Variants in LRPPRC observed in about 807,000 individuals in gnomAD.
LRPPRC encodes the protein leucine-rich PPR motif-containing protein, mitochondrial.
In LRPPRC, 120 loss-of-function variants were observed where a neutral mutation model predicts 180.3. The ratio of observed to expected loss-of-function variants is 0.67; its 90% CI spans 0.57 to 0.77. The LOEUF (loss-of-function observed/expected upper bound fraction) is 0.77. Ranked by LOEUF, LRPPRC falls within the 30% of genes least tolerant of loss-of-function variation. The pLI is 0.00. For missense variants in LRPPRC, 2,012 were observed against 1,657.2 expected (o/e 1.21, Z -3.72); for synonymous variants, 723 against 600.0 (o/e 1.21, Z -3.00).
intron 14 of LRPPRC, among the ~76,000 whole-genome samples, chr2:43,951,054 A>G (rs987771966): frequency 6.6e-6 from 1 of 152,212 alleles, no homozygotes; most frequent in Non-Finnish European, 1.5e-5. Context: ...TGGGAGACAC[A>G]GTGAGTCTCA....
At chr2:43,926,755 T>G (rs960057155) in intron 25 of LRPPRC, among the ~76,000 whole-genome samples, 3 of 152,216 alleles carry the variant, frequency 2.0e-5, no homozygotes, top group Non-Finnish European at 4.4e-5. Flanking sequence ...AAATTATCAA[T>G]GTTACACAAA....
At chr2:43,970,550 C>T (rs980986647) in intron 11 of LRPPRC, among the ~76,000 whole-genome samples, 3 of 152,152 alleles carry the variant, frequency 2.0e-5, no homozygotes, top group Non-Finnish European at 4.4e-5. Flanking sequence ...TTCCAAACCT[C>T]TGTGAACACA....
intron 27 of LRPPRC, among the ~76,000 whole-genome samples, chr2:43,922,842 G>C (rs929592505): frequency 2.0e-5 from 3 of 152,154 alleles, no homozygotes; most frequent in Non-Finnish European, 4.4e-5. Context: ...GGGATAGCTT[G>C]CTTTTTCTTC....
intron 35 of LRPPRC, among the ~76,000 whole-genome samples, chr2:43,895,484 T>G (rs974502445): frequency 2.0e-5 from 3 of 152,236 alleles, no homozygotes; most frequent in African/African-American, 7.2e-5. Flanking sequence ...CAACAGGGAC[T>G]TGGCACAGTC....
In LRPPRC at chr2:43,946,033, A is replaced by G. The variant is rs1236278571; in HGVS notation, c.2210+80T>C. 5.8e-6 allele frequency: 8 copies of G among 1,378,598 alleles called. No individual in the cohort carries two copies. In the Admixed American group the frequency reaches 1.3e-4, roughly 23 times the overall value. 85.4% of individuals were successfully genotyped at this position (1,378,598 alleles called of 1,614,324 possible). On this transcript the variant is annotated intron_variant, in intron 21 of 37. Transcript: ENST00000260665. ...TAAAAATGACATTATATAAGAGAGT[A>G]ATATTCCATCTAGATAATCTATCAA...
intron 22 of LRPPRC, among the ~76,000 whole-genome samples, chr2:43,944,591 TAATA>T (rs1312730163): frequency 2.6e-5 from 4 of 152,126 alleles, no homozygotes; most frequent in African/African-American, 9.7e-5. Flanking sequence ...TTCAATGTTC[TAATA>T]AATGATTTTC....
At chr2:43,889,989 CACTTAACT>C (rs1279173803) in intron 36 of LRPPRC, 113 bp from the exon 37 acceptor site, 2 of 723,608 alleles carry the variant, frequency 2.8e-6, no homozygotes, top group African/African-American at 3.6e-5. Flanking sequence ...GGCAAATGAA[CACTTAACT>C]ACTTTCAGTA....
intron 23 of LRPPRC, among the ~76,000 whole-genome samples, chr2:43,935,592 A>T (rs1672247024): frequency 6.6e-6 from 1 of 152,210 alleles, no homozygotes; most frequent in Admixed American, 6.5e-5. Context: ...TAAAATAAAA[A>T]GACACTGTCA....
intron 11 of LRPPRC, among the ~76,000 whole-genome samples, chr2:43,969,684 T>C (rs1344987726): frequency 2.0e-5 from 3 of 151,974 alleles, no homozygotes; most frequent in Non-Finnish European, 4.4e-5. Flanking sequence ...GGGTGTGTGG[T>C]GTTTTGTTTT....
rs908473003 is a variant in LRPPRC, at chr2:43,995,827, G to A, written c.121C>T (p.Pro41Ser). 17 of 1,424,832 alleles carry A rather than the reference G, an allele frequency of 1.2e-5. No homozygotes were observed. Among genetic ancestry groups the A allele is most frequent in the Non-Finnish European group, 1.5e-5 (16 of 1,100,684 alleles). 88.3% of individuals were successfully genotyped at this position (1,424,832 alleles called of 1,614,324 possible). A position where few individuals can be genotyped will look rare whatever the true frequency, so the allele number is the denominator to read the frequency against. ...GCCACGGGCCCGGCGCGAGCGGCGG[G>A]CAGATAGGAGGCGGCATGCAGCCGG... ...PGRLHAASYL[P>S]AARAGPVAGG... The change falls in exon 1 of 38, where the codon CCC becomes TCC. Residue 41 changes from proline to serine, a missense_variant. Transcript: ENST00000260665.
rs777999258 is a variant in LRPPRC at position 43,946,202 on chromosome 2, G to A, written c.2121C>T (p.Ser707=). The A allele has an allele frequency of 3.5e-5, 56 of 1,610,816 alleles. No individual in the cohort carries two copies. Among genetic ancestry groups the A allele is most frequent in the Admixed American group, 1.0e-4 (6 of 59,926 alleles). ...CTGCATAGCCACCAGTAACCATGTC[G>A]GATTCATATTTTGCTTTCAATTCAA... ...KALELKAKYE[S]DMVTGGYAAL... Residue 707 remains serine (S), a synonymous_variant, in exon 21 of 38, where the codon TCC becomes TCT. Transcript: ENST00000260665.
intron 13 of LRPPRC, among the ~76,000 whole-genome samples, chr2:43,960,101 G>C (rs1673279702): frequency 1.3e-5 from 2 of 152,102 alleles, no homozygotes; most frequent in African/African-American, 4.8e-5. Context: ...CATTTGCTGT[G>C]TTTTTGTTAA....
chr2:43,943,612 T>A, intron 23 of LRPPRC, 75 bp downstream of exon 23: 1 of 1,235,818 alleles, frequency 8.1e-7, no homozygotes. Context: ...AGGGTATTTA[T>A]AAAGTATAAT....
rs2103715090 is a variant in LRPPRC at position 43,974,660 on chromosome 2, G to A, written c.963C>T (p.Val321=). Reference sequence around the variant, plus strand: ...ATGTAACTTTTTCCAAAATTTCTGAGACATACTGAGGATACCCAGCTTTAC... The same window carrying A: ...ATGTAACTTTTTCCAAAATTTCTGAAACATACTGAGGATACCCAGCTTTAC... The part of the protein sequence containing the change: ...SFSKAGYPQY[V]SEILEKVTCE... The change falls in exon 8 of 38, where the codon GTC becomes GTT. Residue 321 remains valine (V), a synonymous_variant. Coordinates refer to ENST00000260665, the MANE Select transcript of LRPPRC (RefSeq NM_133259.4). 6.2e-7 allele frequency: 1 copy of A among 1,610,312 alleles called. No homozygotes were observed. Among genetic ancestry groups the A allele is most frequent in the South Asian group, 1.1e-5 (1 of 90,956 alleles).
At chr2:43,962,544 T>C (rs1016554814) in intron 12 of LRPPRC, among the ~76,000 whole-genome samples, 1 of 152,234 alleles carries the variant, frequency 6.6e-6, no homozygotes, top group Non-Finnish European at 1.5e-5. Context: ...TTTTGTTTTG[T>C]TTTTGTAATT....
At chr2:43,956,193 G>T (rs550926039) in intron 14 of LRPPRC, among the ~76,000 whole-genome samples, 4 of 151,978 alleles carry the variant, frequency 2.6e-5, no homozygotes, top group Non-Finnish European at 5.9e-5. Flanking sequence ...TAAGGAAATT[G>T]TTCTGCATTA....
rs892519842 is a variant in LRPPRC, at chr2:43,942,897, T to G, written c.2504+790A>C. ...CGTATATCTTCCATTTTATTTTATT[T>G]TAATTATTATCTTCTATTTTTGTTT... On this transcript the variant is annotated intron_variant, in intron 23 of 37. Coordinates refer to ENST00000260665, the MANE Select transcript of LRPPRC (RefSeq NM_133259.4). 2.6e-4 allele frequency among the ~76,000 whole-genome samples: 40 copies of G among 152,130 alleles called. 1 individual carries two copies. The highest frequency in any genetic ancestry group is 8.9e-4 in the African/African-American group (37 of 41,452).
At chr2:43,924,961 A>G in intron 27 of LRPPRC, 106 bp downstream of exon 27, 2 of 761,522 alleles carry the variant, frequency 2.6e-6, no homozygotes, top group Non-Finnish European at 4.8e-6. Context: ...TTGAATGAAA[A>G]CTGCCTTCTG....
chr2:43,939,247 C>G (rs1456246747), intron 23 of LRPPRC, among the ~76,000 whole-genome samples: 1 of 151,700 alleles, frequency 6.6e-6, no homozygotes. Flanking sequence ...TGCCACTGCA[C>G]TCCAGCCTGG....
Sources: gnomAD v4.1 joint callset for allele counts (sites outside exome capture counted in the v4.1 genomes callset) on GRCh38, gnomAD v4.1.1 for gene constraint, MANE v1.5 for transcripts, NCBI Gene and HGNC (gene_info 2026-07-23, HGNC 2026-07-21) for gene names.